Variants in R3HDM1 observed in about 807,000 individuals in gnomAD.
R3HDM1 encodes the protein R3H domain-containing protein 1.
A neutral mutation model predicts 141.1 loss-of-function variants in R3HDM1; 46 were observed. The ratio of observed to expected loss-of-function variants is 0.33; its 90% CI spans 0.26 to 0.42. R3HDM1 has a LOEUF of 0.42. Ranked by LOEUF, R3HDM1 falls within the 10% of genes least tolerant of loss-of-function variation. The probability of loss-of-function intolerance (pLI) is 1.00; values close to 1 mark genes in which losing one functional copy is unlikely to be tolerated. For missense variants in R3HDM1, 1,184 were observed against 1,368.3 expected (o/e 0.87, Z 2.12); for synonymous variants, 435 against 472.9 (o/e 0.92, Z 1.04).
chr2:135,619,726 A>G (rs2061372937), intron 5 of R3HDM1: 2 of 968,450 alleles, frequency 2.1e-6, no homozygotes, highest in Non-Finnish European at 2.5e-6. Context: ...ACAGTTTCCA[A>G]CTAATTTGCT....
At chr2:135,677,489 G>A (rs1247854792) in intron 20 of R3HDM1, among the ~76,000 whole-genome samples, 2 of 151,878 alleles carry the variant, frequency 1.3e-5, no homozygotes, top group Non-Finnish European at 2.9e-5. Flanking sequence ...TGTAAGATCT[G>A]CCCTTAATCT....
chr2:135,537,253 T>C (rs1208534111), intron 1 of R3HDM1, among the ~76,000 whole-genome samples: 1 of 144,802 alleles, frequency 6.9e-6, no homozygotes, highest in Admixed American at 7.0e-5. Context: ...TACAAAACAA[T>C]AGCTAAAGTG....
At chr2:135,622,066 A>G (rs1389406845) in intron 6 of R3HDM1, 1 of 984,386 alleles carries the variant, frequency 1.0e-6, no homozygotes, top group Non-Finnish European at 1.2e-6. Context: ...AATGCTTTTT[A>G]AATTTAAAAA....
At chr2:135,631,672 T>G in intron 7 of R3HDM1, 46 bp from the exon 8 acceptor site, 1 of 1,463,222 alleles carries the variant, frequency 6.8e-7, no homozygotes. Context: ...TTGTGATTAC[T>G]TCATTGCTAA....
At chr2:135,717,804 A>C (rs2076317051) in intron 24 of R3HDM1, among the ~76,000 whole-genome samples, 1 of 152,210 alleles carries the variant, frequency 6.6e-6, no homozygotes, top group Non-Finnish European at 1.5e-5. Flanking sequence ...CTAAGACTTT[A>C]ATCATTTACC....
At chr2:135,701,359 T>C (rs1328052267) in intron 21 of R3HDM1, among the ~76,000 whole-genome samples, 2 of 152,080 alleles carry the variant, frequency 1.3e-5, no homozygotes, top group Admixed American at 6.6e-5. Context: ...GCTACAATCT[T>C]AACACTGCAC....
intron 3 of R3HDM1, chr2:135,608,003 A>G (rs1407724745): frequency 3.1e-5 from 30 of 970,798 alleles, no homozygotes; most frequent in Non-Finnish European, 3.7e-5. Flanking sequence ...TTCATTGTTT[A>G]TTGAAGTATT....
At chr2:135,680,742 C>G (rs2070146237) in intron 21 of R3HDM1, among the ~76,000 whole-genome samples, 1 of 152,178 alleles carries the variant, frequency 6.6e-6, no homozygotes, top group South Asian at 2.1e-4. Context: ...TGCACTCCAG[C>G]CTGGGCAACA....
chr2:135,601,284 AC>A (rs2059604486), intron 1 of R3HDM1, among the ~76,000 whole-genome samples: 2 of 152,066 alleles, frequency 1.3e-5, no homozygotes, highest in African/African-American at 4.8e-5. Context: ...TGTTTTTGAT[AC>A]CCCCTTTTCT....
At chr2:135,716,324 T>G (rs904267676) in intron 24 of R3HDM1, among the ~76,000 whole-genome samples, 4 of 152,092 alleles carry the variant, frequency 2.6e-5, no homozygotes, top group Non-Finnish European at 4.4e-5. Context: ...AAAAAAGAGA[T>G]TATCCAAAAA....
At position 135,616,006 on chromosome 2, in the gene R3HDM1, G is replaced by T. The variant is rs1372144823; in HGVS notation, c.172-146G>T. 3 of 585,342 alleles carry T rather than the reference G, an allele frequency of 5.1e-6. No individual in the cohort carries two copies. The African/African-American group carries it at 5.7e-5, about 11-fold the overall frequency. The allele number at this position is 585,342 out of a possible 1,614,324, so 36.3% of individuals were successfully genotyped here. A position where few individuals can be genotyped will look rare whatever the true frequency, so the allele number is the denominator to read the frequency against. On this transcript the variant is annotated intron_variant, in intron 3 of 26. Coordinates refer to ENST00000683871, the MANE Select transcript of R3HDM1 (RefSeq NM_001378107.1). ...GCAAGTGTGCTTCTGGGAGGAATCA[G>T]TACTCCTTTACTGAAACCAACTTTG...
intron 24 of R3HDM1, among the ~76,000 whole-genome samples, chr2:135,715,957 A>G (rs2076116874): frequency 6.6e-6 from 1 of 152,236 alleles, no homozygotes; most frequent in Non-Finnish European, 1.5e-5. Flanking sequence ...CTTAGAATCC[A>G]TTCCTCTATA....
intron 21 of R3HDM1, among the ~76,000 whole-genome samples, chr2:135,707,986 T>A (rs1474969431): frequency 1.3e-5 from 2 of 152,220 alleles, no homozygotes; most frequent in Non-Finnish European, 2.9e-5. Flanking sequence ...CAGAATTAAC[T>A]TTTTATTATG....
chr2:135,704,967 T>C (rs1206645590), intron 21 of R3HDM1, among the ~76,000 whole-genome samples: 1 of 152,224 alleles, frequency 6.6e-6, no homozygotes, highest in Non-Finnish European at 1.5e-5. Context: ...GTAAGCAATT[T>C]TAATTACTCC....
chr2:135,606,102 G>T (rs921522621), intron 3 of R3HDM1: 2 of 152,258 alleles, frequency 1.3e-5, no homozygotes, highest in Non-Finnish European at 2.9e-5. Flanking sequence ...CATTTAACAG[G>T]CCGGTGGACT....
intron 1 of R3HDM1, among the ~76,000 whole-genome samples, chr2:135,546,497 T>G (rs1161122772): frequency 6.6e-6 from 1 of 152,170 alleles, no homozygotes; most frequent in Non-Finnish European, 1.5e-5. Context: ...ATGTCCTCAG[T>G]AAGTAATTAT....
At chr2:135,649,501 A>G (rs1263460240) in intron 16 of R3HDM1, among the ~76,000 whole-genome samples, 1 of 152,128 alleles carries the variant, frequency 6.6e-6, no homozygotes, top group East Asian at 1.9e-4. Flanking sequence ...TTTATAATTT[A>G]GTGTTATACT....
intron 5 of R3HDM1, among the ~76,000 whole-genome samples, chr2:135,621,179 C>T (rs1015741139): frequency 1.3e-5 from 2 of 151,936 alleles, no homozygotes; most frequent in African/African-American, 4.8e-5. Context: ...GTTAAGAAGA[C>T]CTGAGTTCTC....
intron 23 of R3HDM1, 88 bp downstream of exon 23, chr2:135,710,319 C>G: frequency 7.3e-7 from 1 of 1,368,104 alleles, no homozygotes; most frequent in Non-Finnish European, 1.0e-6. Context: ...GAAATCCCGT[C>G]AGCCAGATTA....
Sources: gnomAD v4.1 joint callset for allele counts (sites outside exome capture counted in the v4.1 genomes callset) on GRCh38, gnomAD v4.1.1 for gene constraint, MANE v1.5 for transcripts, NCBI Gene and HGNC (gene_info 2026-07-23, HGNC 2026-07-21) for gene names.